TMEM163: variants seen among roughly 807,000 people sequenced by gnomAD.
TMEM163 encodes the protein transmembrane protein 163.
TMEM163 carries 17 observed loss-of-function variants against 29.3 expected under a neutral mutation model. The ratio of observed to expected loss-of-function variants is 0.58; its 90% confidence interval spans 0.40 to 0.87. The LOEUF (loss-of-function observed/expected upper bound fraction) is 0.87. Among genes scored for constraint, TMEM163 ranks in the 40% least tolerant of loss-of-function variants. The pLI is 0.00. For synonymous variants in TMEM163, 157 were observed against 160.6 expected, an observed-to-expected ratio of 0.98 and a Z score of 0.17; for missense variants, 303 against 381.5, an observed-to-expected ratio of 0.79 and a Z score of 1.71.
intron 2 of TMEM163, among the ~76,000 whole-genome samples, chr2:134,567,592 G>A (rs923849066): frequency 2.6e-5 from 4 of 152,158 alleles, no homozygotes; most frequent in Non-Finnish European, 1.5e-5. Flanking sequence ...TCAGGAGGCT[G>A]AGGCAGGAGA....
In TMEM163 at chr2:134,581,636, G is replaced by GA. The variant is rs377473472; in HGVS notation, c.323-29546_323-29545insT. ...ATTCTTCATGCTCTTTATGGGGGCG[G>GA]GGGGGAGATGAATTTTATGAGGTTG... is the stretch of plus-strand genomic sequence containing the variant. On this transcript the variant is annotated intron_variant, in intron 2 of 7. Coordinates refer to ENST00000281924, the MANE Select transcript of TMEM163 (RefSeq NM_030923.5). Among the ~76,000 whole-genome samples, 27 of 152,054 alleles carry GA rather than the reference G, an allele frequency of 1.8e-4. No individual in the cohort carries two copies. In the East Asian group the frequency reaches 4.3e-3, roughly 24 times the overall value.
chr2:134,585,704 T>C (rs974969746), intron 2 of TMEM163, among the ~76,000 whole-genome samples: 5 of 149,044 alleles, frequency 3.4e-5, no homozygotes, highest in African/African-American at 1.0e-4. Flanking sequence ...ATCGCGCCAC[T>C]GCACTCCAGC....
intron 2 of TMEM163, among the ~76,000 whole-genome samples, chr2:134,710,175 G>T (rs1684897159): frequency 6.6e-6 from 1 of 152,202 alleles, no homozygotes. Context: ...TCCTGAGACT[G>T]TGTCAAAAGC....
At chr2:134,713,396 C>G in intron 1 of TMEM163, 77 bp from the exon 2 acceptor site, 1 of 1,591,316 alleles carries the variant, frequency 6.3e-7, no homozygotes. Flanking sequence ...AATTTCTTAC[C>G]CAAAGATTGC....
chr2:134,463,753 A>T (rs1001984), intron 6 of TMEM163, among the ~76,000 whole-genome samples: 25,030 of 152,210 alleles, frequency 0.16, 4,183 homozygotes, highest in African/African-American at 0.41. Context: ...GAAACTGGAA[A>T]GGGAGGCTCA....
chr2:134,578,114 A>C (rs1681607703), intron 2 of TMEM163, among the ~76,000 whole-genome samples: 1 of 152,182 alleles, frequency 6.6e-6, no homozygotes, highest in African/African-American at 2.4e-5. Flanking sequence ...CCTATTTTTG[A>C]TAATACAGTT....
In TMEM163 at chr2:134,577,411, G is replaced by A. The variant is rs80045747; in HGVS notation, c.323-25320C>T. 7.2e-3 allele frequency among the ~76,000 whole-genome samples: 1,098 copies of A among 152,260 alleles called. 11 individuals are homozygous for A. Among genetic ancestry groups the A allele is most frequent in the African/African-American group, 0.025 (1,054 of 41,546 alleles). On this transcript the variant is annotated intron_variant, in intron 2 of 7. Transcript: ENST00000281924. The stretch of plus-strand genomic sequence containing the variant: ...GATTGTAACTTACTCTCAGGGTTAG[G>A]GGAGGCACAGCTGGGACGCTGAGGC...
chr2:134,642,513 G>T (rs1482717647), intron 2 of TMEM163, among the ~76,000 whole-genome samples: 1 of 152,106 alleles, frequency 6.6e-6, no homozygotes, highest in Non-Finnish European at 1.5e-5. Context: ...CGAAGATGTA[G>T]AAGAATGGAA....
intron 5 of TMEM163, among the ~76,000 whole-genome samples, chr2:134,472,219 AGG>A (rs1177969322): frequency 6.6e-6 from 1 of 152,258 alleles, no homozygotes; most frequent in African/African-American, 2.4e-5. Context: ...AGACATATTC[AGG>A]GGAAAGATCA....
intron 2 of TMEM163, among the ~76,000 whole-genome samples, chr2:134,644,047 A>G (rs1009582267): frequency 2.0e-5 from 3 of 152,108 alleles, no homozygotes; most frequent in Non-Finnish European, 4.4e-5. Context: ...ATGCAGGTAA[A>G]TCTAATAAAA....
chr2:134,522,706 A>G (rs1040368034), intron 4 of TMEM163, among the ~76,000 whole-genome samples: 3 of 152,256 alleles, frequency 2.0e-5, no homozygotes, highest in African/African-American at 7.2e-5. Context: ...AACAGTAAAG[A>G]GAAAAGTCAT....
chr2:134,666,908 G>C (rs938787207), intron 2 of TMEM163, among the ~76,000 whole-genome samples: 1 of 152,170 alleles, frequency 6.6e-6, no homozygotes. Flanking sequence ...CCCCTTCAGA[G>C]ACATCGTCCT....
At chr2:134,509,447 C>T (rs1040390465) in intron 4 of TMEM163, among the ~76,000 whole-genome samples, 1 of 152,236 alleles carries the variant, frequency 6.6e-6, no homozygotes, top group African/African-American at 2.4e-5. Flanking sequence ...GGTACCTGCA[C>T]CAATCAATGC....
chr2:134,683,404 T>C (rs549551000), intron 2 of TMEM163, among the ~76,000 whole-genome samples: 5 of 149,184 alleles, frequency 3.4e-5, no homozygotes, highest in Non-Finnish European at 5.9e-5. Context: ...AACCTAAAAC[T>C]GCTCTAAAAA....
At chr2:134,502,205 C>T (rs1436742271) in intron 5 of TMEM163, among the ~76,000 whole-genome samples, 1 of 152,212 alleles carries the variant, frequency 6.6e-6, no homozygotes, top group Non-Finnish European at 1.5e-5. Context: ...CCAGATTTTG[C>T]ATTCAAATTT....
At chr2:134,468,704 A>G (rs952881707) in intron 5 of TMEM163, 3 of 152,172 alleles carry the variant, frequency 2.0e-5, no homozygotes, top group Non-Finnish European at 4.4e-5. Context: ...GGTAGAGAAA[A>G]TCTGTGCTTA....
chr2:134,547,293 A>C (rs1210100095), intron 4 of TMEM163, among the ~76,000 whole-genome samples: 1 of 152,194 alleles, frequency 6.6e-6, no homozygotes, highest in Non-Finnish European at 1.5e-5. Context: ...GCTGAAACCA[A>C]ACTCTCTTTC....
At chr2:134,693,486 G>A (rs113564709) in intron 2 of TMEM163, among the ~76,000 whole-genome samples, 4,829 of 151,884 alleles carry the variant, frequency 0.032, 249 homozygotes, top group African/African-American at 0.11. Context: ...GCATGTGCCT[G>A]TAATCCTGGC....
At chr2:134,487,504 T>C (rs1234189981) in intron 5 of TMEM163, among the ~76,000 whole-genome samples, 2 of 152,206 alleles carry the variant, frequency 1.3e-5, no homozygotes, top group African/African-American at 4.8e-5. Flanking sequence ...CGATGCAACT[T>C]CACACAACAC....
Sources: allele counts gnomAD v4.1 joint callset (sites outside exome capture counted in the v4.1 genomes callset), GRCh38; gene constraint gnomAD v4.1.1; transcripts MANE v1.5; gene names NCBI Gene and HGNC (gene_info 2026-07-23, HGNC 2026-07-21).